The following ALPL variants were observed in gnomAD, a reference collection of about 807,000 sequenced individuals.
The protein encoded by ALPL is alkaline phosphatase, biomineralization associated.
ALPL carries 42 observed loss-of-function variants against 51.3 expected under a neutral mutation model. The ratio of observed to expected loss-of-function variants is 0.82; its 90% CI spans 0.64 to 1.06. The LOEUF (loss-of-function observed/expected upper bound fraction) is 1.06. ALPL is among the 50% of genes least tolerant of loss of function. The pLI is 0.00. For synonymous variants in ALPL, 279 were observed against 296.4 expected, an observed-to-expected ratio of 0.94 and a Z score of 0.60; for missense variants, 589 against 709.4, an observed-to-expected ratio of 0.83 and a Z score of 1.93.
chr1:21,549,048 G>A (rs116257528), intron 1 of ALPL, among the ~76,000 whole-genome samples: 3 of 152,256 alleles, frequency 2.0e-5, no homozygotes, highest in Non-Finnish European at 2.9e-5. Context: ...AGACTGCCCC[G>A]GCTCCTCACC....
intron 1 of ALPL, among the ~76,000 whole-genome samples, chr1:21,545,305 T>TTTTTG (rs1302045289): frequency 0.022 from 3,388 of 151,982 alleles, 59 homozygotes; most frequent in African/African-American, 0.049. Flanking sequence ...TTTTGTTTTT[T>TTTTTG]TTTAAGACAG....
intron 1 of ALPL, among the ~76,000 whole-genome samples, chr1:21,520,804 A>G (rs1225443047): frequency 6.6e-6 from 1 of 152,140 alleles, no homozygotes; most frequent in East Asian, 1.9e-4. Flanking sequence ...CCAATAAAGT[A>G]TTCACATCAT....
In ALPL at chr1:21,573,646, C is replaced by T. The variant is rs377436555; in HGVS notation, c.863-19C>T. ...GTCACAGCCTCTCAGCATCCACATC[C>T]TCCTGGCGTCCTCCTCAGGTCTCTT... On this transcript the variant is annotated intron_variant, in intron 8 of 11. Coordinates refer to ENST00000374840, the MANE Select transcript of ALPL (RefSeq NM_000478.6). 7 of 1,613,028 alleles carry T rather than the reference C, an allele frequency of 4.3e-6. No homozygotes were observed. The highest frequency in any genetic ancestry group is 5.9e-6 in the Non-Finnish European group (7 of 1,179,738).
At chr1:21,561,548 T>G (rs1008519976) in intron 4 of ALPL, among the ~76,000 whole-genome samples, 1 of 152,006 alleles carries the variant, frequency 6.6e-6, no homozygotes, top group African/African-American at 2.4e-5. Flanking sequence ...TACCACCACA[T>G]ATGGATAATT....
chr1:21,559,424 G>A (rs1358740407), intron 2 of ALPL, among the ~76,000 whole-genome samples: 1 of 152,176 alleles, frequency 6.6e-6, no homozygotes, highest in Non-Finnish European at 1.5e-5. Flanking sequence ...TCCTTAGAGC[G>A]ACCCTGAGGG....
intron 1 of ALPL, among the ~76,000 whole-genome samples, chr1:21,512,000 A>C (rs568334973): frequency 1.9e-4 from 29 of 152,308 alleles, no homozygotes; most frequent in Non-Finnish European, 2.9e-4. Context: ...AGGATCCAGT[A>C]GCAGAGCCCG....
At chr1:21,554,984 G>A (rs1336330185) in intron 2 of ALPL, among the ~76,000 whole-genome samples, 2 of 148,874 alleles carry the variant, frequency 1.3e-5, no homozygotes, top group African/African-American at 5.0e-5. Flanking sequence ...CGAGTGAAGA[G>A]ACCACCAAAC....
intron 11 of ALPL, 32 bp downstream of exon 11, chr1:21,576,673 G>A (rs765413235): frequency 1.2e-6 from 2 of 1,612,918 alleles, no homozygotes; most frequent in Non-Finnish European, 1.7e-6. Flanking sequence ...GCTGGGAGGG[G>A]ACAGGGCACC....
intron 8 of ALPL, among the ~76,000 whole-genome samples, chr1:21,571,651 G>C (rs1191840033): frequency 1.3e-5 from 2 of 149,754 alleles, no homozygotes; most frequent in Non-Finnish European, 3.0e-5. Flanking sequence ...CAGCCTGGGT[G>C]ACAGAGCAAG....
rs566922074 is a variant in ALPL, at chr1:21,560,801, G to A, written c.181+56G>A. On this transcript the variant is annotated intron_variant, in intron 3 of 11. Transcript: ENST00000374840. ...AACAGGACACCTAGCTAGGAGCCCC[G>A]GGAGCCAGGCTGAGTTGAAGGGGGC... 9.7e-4 allele frequency: 1,553 copies of A among 1,608,524 alleles called. 8 individuals are homozygous for A. In the Middle Eastern group the frequency reaches 0.018, roughly 19 times the overall value.
chr1:21,510,667 G>T (rs1166756262), intron 1 of ALPL, among the ~76,000 whole-genome samples: 2 of 152,224 alleles, frequency 1.3e-5, no homozygotes, highest in Non-Finnish European at 1.5e-5. Flanking sequence ...CTAGCGTCCT[G>T]CTCCCACTGT....
intron 1 of ALPL, among the ~76,000 whole-genome samples, chr1:21,546,650 C>G (rs1043252554): frequency 1.1e-4 from 16 of 152,254 alleles, no homozygotes; most frequent in African/African-American, 3.6e-4. Flanking sequence ...AGGCCAGCGC[C>G]TGGCAGGGCT....
chr1:21,529,632 T>A (rs1310287818), intron 1 of ALPL, among the ~76,000 whole-genome samples: 1 of 152,232 alleles, frequency 6.6e-6, no homozygotes, highest in African/African-American at 2.4e-5. Context: ...ATTCTACTTA[T>A]GTGTTTGTTA....
At chr1:21,532,974 T>G (rs1335962380) in intron 1 of ALPL, among the ~76,000 whole-genome samples, 1 of 152,160 alleles carries the variant, frequency 6.6e-6, no homozygotes, top group Non-Finnish European at 1.5e-5. Context: ...GGTGTTGGGT[T>G]AGAGTATTCC....
chr1:21,534,128 G>T lies in ALPL; in HGVS notation c.-104-19850G>T, dbSNP rs1408202712. Among the ~76,000 whole-genome samples the T allele has an allele frequency of 2.0e-5, 3 of 152,114 alleles. No individual in the cohort carries two copies. The East Asian group carries it at 5.8e-4, about 29-fold the overall frequency. On this transcript the variant is annotated intron_variant, in intron 1 of 11. Transcript: ENST00000374840. Reference sequence around the variant, plus strand: ...GCCTCCTGAGTGGCTGGGCCTACAGGTGTGTGCCACCATGCCTGGCTAATT... The same window carrying T: ...GCCTCCTGAGTGGCTGGGCCTACAGTTGTGTGCCACCATGCCTGGCTAATT...
intron 1 of ALPL, among the ~76,000 whole-genome samples, chr1:21,550,508 T>G (rs776942256): frequency 2.0e-5 from 3 of 152,168 alleles, no homozygotes; most frequent in Non-Finnish European, 4.4e-5. Context: ...TGCTTTCATT[T>G]TGTCAGTATC....
chr1:21,570,209 A>T, intron 7 of ALPL, 96 bp from the exon 8 acceptor site: 2 of 1,268,252 alleles, frequency 1.6e-6, no homozygotes, highest in Middle Eastern at 3.7e-4. Flanking sequence ...TGAGGGAAGG[A>T]AACAAGTAAA....
Position 21,577,758 on chromosome 1 carries a change from C to A in ALPL, c.*110C>A. Reference sequence around the variant, plus strand: ...GGGGCCTCCTCAGCCTCTGCAACTGCAAGAAAGGGGACCCAAGAAACCAAA... The same window carrying A: ...GGGGCCTCCTCAGCCTCTGCAACTGAAAGAAAGGGGACCCAAGAAACCAAA... On this transcript the variant is annotated 3_prime_UTR_variant, in exon 12 of 12. Transcript: ENST00000374840. The A allele has an allele frequency of 1.4e-6, 2 of 1,401,524 alleles. No homozygotes were observed. Among genetic ancestry groups the A allele is most frequent in the Non-Finnish European group, 1.9e-6 (2 of 1,044,890 alleles). The allele number at this position is 1,401,524 out of a possible 1,614,324, so 86.8% of individuals were successfully genotyped here. A position where few individuals can be genotyped will look rare whatever the true frequency, so the allele number is the denominator to read the frequency against.
intron 8 of ALPL, among the ~76,000 whole-genome samples, chr1:21,571,645 C>G (rs1228666840): frequency 1.4e-5 from 2 of 144,216 alleles, no homozygotes; most frequent in African/African-American, 5.3e-5. Context: ...GCACTCCAGC[C>G]TGGGTGACAG....
Sources: gnomAD v4.1 joint callset for allele counts (sites outside exome capture counted in the v4.1 genomes callset) on GRCh38, gnomAD v4.1.1 for gene constraint, MANE v1.5 for transcripts, NCBI Gene and HGNC (gene_info 2026-07-23, HGNC 2026-07-21) for gene names.